EAPP: variants seen among roughly 807,000 people sequenced by gnomAD.
EAPP encodes the protein E2F-associated phosphoprotein.
A neutral mutation model predicts 34.3 loss-of-function variants in EAPP; 38 were observed. That is an observed-to-expected ratio of 1.11 (90% CI 0.85 to 1.45). The LOEUF is 1.45. EAPP is among the 40% of genes most tolerant of loss of function. The probability of loss-of-function intolerance (pLI) is 0.00; values close to 1 mark genes in which losing one functional copy is unlikely to be tolerated. For missense variants in EAPP, 338 were observed against 343.7 expected (o/e 0.98, Z 0.13); for synonymous variants, 113 against 117.6 (o/e 0.96, Z 0.25).
rs1380240107 is a variant in EAPP at position 34,516,468 on chromosome 14, T to C, written c.700A>G (p.Lys234Glu). ...ENRKKRRVHK[K>E]MRSNREDAAE... ...GCATCTTCCCGGTTAGACCTCATCT[T>C]CTTATGGACCCGCCTTTTCTTCCTG... is the stretch of plus-strand genomic sequence containing the variant. The change falls in exon 6 of 6, where the codon AAG becomes GAG. Residue 234 changes from lysine to glutamate, a missense_variant. Transcript: ENST00000250454. 3 of 1,614,088 alleles carry C rather than the reference T, an allele frequency of 1.9e-6. No individual in the cohort carries two copies.
rs773515055 is a variant in EAPP, at chr14:34,524,693, T to C, written c.581+4A>G. 5 of 960,126 alleles carry C rather than the reference T, an allele frequency of 5.2e-6. No homozygotes were observed. Among genetic ancestry groups the C allele is most frequent in the East Asian group, 3.2e-5 (1 of 30,938 alleles). 59.5% of individuals were successfully genotyped at this position (960,126 alleles called of 1,614,324 possible). On this transcript the variant is annotated splice_donor_region_variant and intron_variant, in intron 5 of 5. Transcript: ENST00000250454. ...TGTGTGTGTGTGTGTCCTTCATCCATTACCTTTGGCAATCAAGGCAAAGTG... is the reference window on the plus strand; with the variant it reads ...TGTGTGTGTGTGTGTCCTTCATCCACTACCTTTGGCAATCAAGGCAAAGTG...
intron 5 of EAPP, among the ~76,000 whole-genome samples, chr14:34,518,797 C>G (rs1767506910): frequency 6.6e-6 from 1 of 152,118 alleles, no homozygotes; most frequent in Admixed American, 6.6e-5. Context: ...GACAGCTATT[C>G]CTATACTGGT....
Position 34,529,367 on chromosome 14 carries a change from T to C in EAPP, c.461A>G (p.Gln154Arg), listed in dbSNP as rs1880202678. 6.2e-7 allele frequency: 1 copy of C among 1,600,950 alleles called. No individual in the cohort carries two copies. Among genetic ancestry groups the C allele is most frequent in the East Asian group, 2.2e-5 (1 of 44,802 alleles). ...AACTTTAAGTTCTTACCCCCTTCTC[T>C]GTGCATCAACCCAGGCCTGATCTCT... ...DNRDQAWVDA[Q>R]RRGYHGLGPQ... The change falls in exon 4 of 6, where the codon CAG (glutamine) becomes CGG (arginine). Residue 154 changes from glutamine to arginine, a missense_variant. Transcript: ENST00000250454.
intron 5 of EAPP, among the ~76,000 whole-genome samples, chr14:34,521,427 C>T (rs1879914537): frequency 6.6e-6 from 1 of 152,014 alleles, no homozygotes; most frequent in Non-Finnish European, 1.5e-5. Flanking sequence ...CTACTCCCTC[C>T]TGAGTACCAA....
chr14:34,524,657 A>ATGTGTGTGTGTCTG, intron 5 of EAPP, 40 bp downstream of exon 5: 1 of 853,968 alleles, frequency 1.2e-6, no homozygotes, highest in Non-Finnish European at 1.9e-6. Flanking sequence ...CAAAATATGT[A>ATGTGTGTGTGTCTG]TGTGTGTGTG....
intron 5 of EAPP, among the ~76,000 whole-genome samples, chr14:34,522,516 T>C (rs1278602921): frequency 6.6e-6 from 1 of 152,168 alleles, no homozygotes; most frequent in Non-Finnish European, 1.5e-5. Context: ...ATTGAAGGAT[T>C]AGTTATTTGT....
At chr14:34,535,892 G>T (rs1435313137) in intron 2 of EAPP, 8 of 488,020 alleles carry the variant, frequency 1.6e-5, no homozygotes. Flanking sequence ...ATGAGACATT[G>T]AATCTAAAGT....
intron 1 of EAPP, chr14:34,539,310 G>C: frequency 3.0e-6 from 2 of 675,766 alleles, no homozygotes; most frequent in Non-Finnish European, 5.5e-6. Context: ...CATTGCTTTT[G>C]AAGATTTACA....
chr14:34,534,801 G>C (rs1394075590), intron 2 of EAPP, among the ~76,000 whole-genome samples: 1 of 151,162 alleles, frequency 6.6e-6, no homozygotes, highest in Non-Finnish European at 1.5e-5. Flanking sequence ...AGGAGTTTAA[G>C]ACCAGCCTGG....
intron 1 of EAPP, 74 bp from the exon 2 acceptor site, chr14:34,536,349 T>C: frequency 8.5e-7 from 1 of 1,183,414 alleles, no homozygotes; most frequent in Non-Finnish European, 1.2e-6. Flanking sequence ...AGCATCTCAC[T>C]GTCCAACAAC....
chr14:34,521,374 G>A (rs1879913077), intron 5 of EAPP, among the ~76,000 whole-genome samples: 1 of 151,980 alleles, frequency 6.6e-6, no homozygotes, highest in African/African-American at 2.4e-5. Flanking sequence ...CCCAGCTACT[G>A]CTATTAATTT....
At chr14:34,536,382 C>A in intron 1 of EAPP, 107 bp from the exon 2 acceptor site, 3 of 768,182 alleles carry the variant, frequency 3.9e-6, no homozygotes, top group Non-Finnish European at 5.9e-6. Context: ...TACATGGTTA[C>A]ATTTGATGTA....
At chr14:34,536,556 C>T (rs1880484676) in intron 1 of EAPP, 1 of 205,646 alleles carries the variant, frequency 4.9e-6, no homozygotes, top group African/African-American at 2.3e-5. Context: ...CCTCCACCTC[C>T]CCAGTTCAAG....
chr14:34,533,653 T>A, intron 2 of EAPP, 114 bp from the exon 3 acceptor site: 1 of 634,770 alleles, frequency 1.6e-6, no homozygotes, highest in South Asian at 2.1e-5. Context: ...CACAAACTCA[T>A]TTGATGGTGA....
Position 34,516,088 on chromosome 14 carries a change from C to A in EAPP, c.*222G>T. 1 of 425,980 alleles carries A rather than the reference C, an allele frequency of 2.3e-6. No homozygotes were observed. Among genetic ancestry groups the A allele is most frequent in the Non-Finnish European group, 4.1e-6 (1 of 243,542 alleles). 26.4% of individuals were successfully genotyped at this position (425,980 alleles called of 1,614,324 possible). ...ACAGTTTCCAAATGTTCATCAAAAA[C>A]AGAATGAATATCAGTCCCATCAATA... On this transcript the variant is annotated 3_prime_UTR_variant, in exon 6 of 6. Coordinates refer to ENST00000250454, the MANE Select transcript of EAPP (RefSeq NM_018453.4).
In EAPP at chr14:34,521,913, C is replaced by T. The variant is rs149458522; in HGVS notation, c.581+2784G>A. Among the ~76,000 whole-genome samples the T allele has an allele frequency of 3.7e-3, 556 of 152,144 alleles. 3 individuals are homozygous for T. The highest frequency in any genetic ancestry group is 0.013 in the African/African-American group (535 of 41,508). On this transcript the variant is annotated intron_variant, in intron 5 of 5. Transcript: ENST00000250454. ...TCTCCCAAAGTGCTGGGATTACAGGCGTGAGCCACTGTGCCCGGCTGAGTT... is the reference window on the plus strand; with the variant it reads ...TCTCCCAAAGTGCTGGGATTACAGGTGTGAGCCACTGTGCCCGGCTGAGTT...
chr14:34,538,205 C>T (rs1324574794), intron 1 of EAPP, among the ~76,000 whole-genome samples: 1 of 151,992 alleles, frequency 6.6e-6, no homozygotes, highest in East Asian at 1.9e-4. Context: ...TGGTGAAAAC[C>T]CATCTCTACG....
chr14:34,524,651 A>G, intron 5 of EAPP, 46 bp downstream of exon 5: 2 of 1,000,424 alleles, frequency 2.0e-6, no homozygotes, highest in South Asian at 2.9e-5. Context: ...TTTAAACAAA[A>G]TATGTATGTG....
intron 3 of EAPP, among the ~76,000 whole-genome samples, chr14:34,530,946 GA>G (rs910741133): frequency 5.6e-5 from 7 of 125,554 alleles, no homozygotes; most frequent in African/African-American, 2.1e-4. Flanking sequence ...AAAGGAAGAG[GA>G]AAAAAACAAA....
Sources: gnomAD v4.1 joint callset for allele counts (sites outside exome capture counted in the v4.1 genomes callset) on GRCh38, gnomAD v4.1.1 for gene constraint, MANE v1.5 for transcripts, NCBI Gene and HGNC (gene_info 2026-07-23, HGNC 2026-07-21) for gene names.